ANXA10: variants seen among roughly 807,000 people sequenced by gnomAD.
ANXA10 encodes annexin 14.
In ANXA10, 49 loss-of-function variants were observed where a neutral mutation model predicts 53.5. The observed-to-expected ratio is 0.92, with a 90% confidence interval of 0.73 to 1.16. ANXA10 has a LOEUF of 1.16. Ranked by LOEUF, ANXA10 falls within the 50% of genes most tolerant of loss-of-function variation. The pLI, the probability that ANXA10 is intolerant of heterozygous loss-of-function variation, is 0.00. For missense variants in ANXA10, 393 were observed against 394.4 expected (o/e 1.00, Z 0.03); for synonymous variants, 131 against 128.9 (o/e 1.02, Z -0.11).
At chr4:168,117,902 TACTCACTCACTC>T (rs747092943) in intron 1 of ANXA10, among the ~76,000 whole-genome samples, 4 of 149,194 alleles carry the variant, frequency 2.7e-5, no homozygotes, top group Admixed American at 1.3e-4. Flanking sequence ...ACTCATACAA[TACTCACTCACTC>T]ACTCACTCAC....
At chr4:168,169,557 C>T (rs1055570990) in intron 6 of ANXA10, among the ~76,000 whole-genome samples, 8 of 152,220 alleles carry the variant, frequency 5.3e-5, no homozygotes, top group Admixed American at 2.0e-4. Flanking sequence ...GGCTGGATGC[C>T]GATCTCCGTC....
At chr4:168,100,372 C>T (rs1211592199) in intron 1 of ANXA10, among the ~76,000 whole-genome samples, 1 of 152,120 alleles carries the variant, frequency 6.6e-6, no homozygotes, top group Non-Finnish European at 1.5e-5. Flanking sequence ...CCCTGTAAGG[C>T]TTTCTGTCAC....
At chr4:168,135,868 AT>A (rs1334800116) in intron 2 of ANXA10, among the ~76,000 whole-genome samples, 5 of 152,230 alleles carry the variant, frequency 3.3e-5, no homozygotes, top group Admixed American at 6.5e-5. Context: ...TCACACTACT[AT>A]AAAGAACTAC....
intron 1 of ANXA10, among the ~76,000 whole-genome samples, chr4:168,124,345 A>C (rs138589832): frequency 1.3e-5 from 2 of 152,338 alleles, no homozygotes; most frequent in South Asian, 2.1e-4. Flanking sequence ...ACAATGACAC[A>C]GAAGTTCCTT....
chr4:168,156,997 G>T (rs1731697226), intron 3 of ANXA10, among the ~76,000 whole-genome samples: 1 of 151,926 alleles, frequency 6.6e-6, no homozygotes, highest in South Asian at 2.1e-4. Context: ...TAATGATGAA[G>T]TTCATATTTT....
At chr4:168,150,863 C>G (rs1731485285) in intron 3 of ANXA10, among the ~76,000 whole-genome samples, 1 of 152,060 alleles carries the variant, frequency 6.6e-6, no homozygotes, top group South Asian at 2.1e-4. Context: ...TTTGTCTAAA[C>G]CACAAAAAGG....
At chr4:168,131,462 T>A (rs1364415350) in intron 2 of ANXA10, among the ~76,000 whole-genome samples, 1 of 152,066 alleles carries the variant, frequency 6.6e-6, no homozygotes, top group Non-Finnish European at 1.5e-5. Flanking sequence ...GCAATAAGCA[T>A]TCTATAGATG....
chr4:168,132,490 G>C (rs1446898781), intron 2 of ANXA10, among the ~76,000 whole-genome samples: 1 of 152,084 alleles, frequency 6.6e-6, no homozygotes, highest in Admixed American at 6.6e-5. Context: ...GGGTAGCGGA[G>C]GGCTGCTGGG....
At chr4:168,156,378 T>C (rs1276846893) in intron 3 of ANXA10, among the ~76,000 whole-genome samples, 2 of 16,060 alleles carry the variant, frequency 1.2e-4, no homozygotes, top group African/African-American at 4.6e-4. Flanking sequence ...ATATATAATA[T>C]AATTAATATA....
chr4:168,167,578 T>C (rs1731903526), intron 6 of ANXA10, among the ~76,000 whole-genome samples: 1 of 152,236 alleles, frequency 6.6e-6, no homozygotes. Flanking sequence ...TTGGCAAATT[T>C]AGAGTCCTCA....
rs752513554 is a variant in ANXA10, at chr4:168,162,518, T to G, written c.196-10T>G. On this transcript the variant is annotated splice_polypyrimidine_tract_variant and intron_variant, in intron 3 of 11. Coordinates refer to ENST00000359299, the MANE Select transcript of ANXA10 (RefSeq NM_007193.5). ...ACATATAATAAATATATGTACTTTT[T>G]CCTCCACAGGACCTGATTGGGGATA... The G allele has an allele frequency of 9.3e-5, 149 of 1,602,466 alleles. No homozygotes were observed. The highest frequency in any genetic ancestry group is 1.2e-4 in the Non-Finnish European group (140 of 1,169,852).
intron 1 of ANXA10, among the ~76,000 whole-genome samples, chr4:168,122,045 C>T (rs1048327160): frequency 6.6e-6 from 1 of 152,048 alleles, no homozygotes; most frequent in Non-Finnish European, 1.5e-5. Flanking sequence ...GTTTCACCAT[C>T]CTGGCCAGGC....
intron 3 of ANXA10, among the ~76,000 whole-genome samples, chr4:168,141,457 C>A (rs1731323381): frequency 6.6e-6 from 1 of 152,174 alleles, no homozygotes; most frequent in Admixed American, 6.5e-5. Context: ...ATCCCCAAAC[C>A]GTAGCCAGAA....
intron 6 of ANXA10, 63 bp downstream of exon 6, chr4:168,165,389 C>CAAAAAAAAAAAAAAAAA (rs33925175): frequency 2.6e-6 from 1 of 378,318 alleles, no homozygotes. Flanking sequence ...ATGTCATTGC[C>CAAAAAAAAAAAAAAAAA]AAAAAAAAAA....
intron 1 of ANXA10, among the ~76,000 whole-genome samples, chr4:168,095,362 T>C (rs1435000401): frequency 6.6e-6 from 1 of 152,000 alleles, no homozygotes; most frequent in East Asian, 1.9e-4. Flanking sequence ...TTTAATCCTA[T>C]TCCCTTTTCT....
intron 1 of ANXA10, among the ~76,000 whole-genome samples, chr4:168,095,223 T>C: frequency 6.6e-6 from 1 of 151,992 alleles, no homozygotes; most frequent in East Asian, 1.9e-4. Flanking sequence ...TTGTAAAAAT[T>C]GTTCGCTGAT....
At chr4:168,183,688 T>G (rs565038452) in intron 10 of ANXA10, among the ~76,000 whole-genome samples, 1 of 152,314 alleles carries the variant, frequency 6.6e-6, no homozygotes, top group East Asian at 1.9e-4. Context: ...ACCTCAAATG[T>G]CAAATGTTTG....
chr4:168,102,928 C>A (rs966014326), intron 1 of ANXA10, among the ~76,000 whole-genome samples: 1 of 152,028 alleles, frequency 6.6e-6, no homozygotes, highest in South Asian at 2.1e-4. Context: ...CTTTGAATTT[C>A]TTTATGGGTA....
chr4:168,172,947 G>A (rs145494953), intron 6 of ANXA10, among the ~76,000 whole-genome samples: 4 of 152,072 alleles, frequency 2.6e-5, no homozygotes, highest in Middle Eastern at 3.4e-3. Context: ...CTGTCACCAC[G>A]CCTGGCTAAT....
Sources: gnomAD v4.1 joint callset for allele counts (sites outside exome capture counted in the v4.1 genomes callset) on GRCh38, gnomAD v4.1.1 for gene constraint, MANE v1.5 for transcripts, NCBI Gene and HGNC (gene_info 2026-07-23, HGNC 2026-07-21) for gene names.